Variants in ICA1 observed in about 807,000 individuals in gnomAD.
ICA1 encodes the protein 69 kDa islet cell autoantigen.
A neutral mutation model predicts 71.0 loss-of-function variants in ICA1; 40 were observed. The observed-to-expected ratio is 0.56, with a 90% CI of 0.44 to 0.73. The LOEUF (loss-of-function observed/expected upper bound fraction) is 0.73, where lower values mean the gene tolerates loss of function less well. ICA1 is among the 30% of genes least tolerant of loss of function. ICA1 has a pLI of 0.00. For missense variants in ICA1, 578 were observed against 576.5 expected, an observed-to-expected ratio of 1.00 and a Z score of -0.03; for synonymous variants, 207 against 209.5, an observed-to-expected ratio of 0.99 and a Z score of 0.10.
intron 6 of ICA1, among the ~76,000 whole-genome samples, chr7:8,206,445 C>T (rs1039456914): frequency 5.9e-5 from 9 of 152,148 alleles, no homozygotes; most frequent in Non-Finnish European, 1.2e-4. Context: ...TAAAAACAAA[C>T]CATTTAAAAA....
In ICA1 at chr7:8,223,339, T is replaced by C. The variant is rs1439982240; in HGVS notation, c.257-1941A>G. 6.5e-6 allele frequency: 1 copy of C among 152,930 alleles called. No homozygotes were observed. Among genetic ancestry groups the C allele is most frequent in the East Asian group, 1.9e-4 (1 of 5,202 alleles). The allele number at this position is 152,930 out of a possible 1,614,324, so 9.5% of individuals were successfully genotyped here. A position where few individuals can be genotyped will look rare whatever the true frequency, so the allele number is the denominator to read the frequency against. On this transcript the variant is annotated intron_variant, in intron 4 of 13. Coordinates refer to ENST00000402384, the MANE Select transcript of ICA1 (RefSeq NM_001136020.3). This position sits in a 1 kb window ranked among gnomAD's most constrained non-coding sequence, Gnocchi z 4.1. ...TTGTGGTACCTGAATAATTACATGG[T>C]TGACAAAATGTACTCTTTCCTAAAT... is the stretch of plus-strand genomic sequence containing the variant.
At chr7:8,211,921 T>A (rs1166764999) in intron 6 of ICA1, among the ~76,000 whole-genome samples, 1 of 152,182 alleles carries the variant, frequency 6.6e-6, no homozygotes, top group Non-Finnish European at 1.5e-5. Flanking sequence ...ATAGGCATGG[T>A]CATGTTCCAA....
intron 13 of ICA1, 57 bp downstream of exon 13, chr7:8,127,816 T>C: frequency 6.6e-7 from 1 of 1,510,204 alleles, no homozygotes. Context: ...GCTTTTGGAT[T>C]GAAAACAAAA....
At position 8,141,784 on chromosome 7, in the gene ICA1, C is replaced by T; in HGVS notation, c.936G>A (p.Lys312=). 1 of 1,570,398 alleles carries T rather than the reference C, an allele frequency of 6.4e-7. No individual in the cohort carries two copies. Among genetic ancestry groups the T allele is most frequent in the Non-Finnish European group, 8.7e-7 (1 of 1,147,546 alleles). ...ACTTACTCTTAAAACTAGAGGATTC[C>T]TTGCGCTGGTTTTCTTCCTCTAATG... The part of the protein sequence containing the change: ...LISLEEENQR[K]ESSSFKTEDG... The change falls in exon 10 of 14, where the codon AAG becomes AAA. Residue 312 remains lysine (K), a synonymous_variant. Transcript: ENST00000402384.
In ICA1 at chr7:8,135,471, G is replaced by C. The variant is rs565910805; in HGVS notation, c.1060+3369C>G. On this transcript the variant is annotated intron_variant, in intron 12 of 13. Coordinates refer to ENST00000402384, the MANE Select transcript of ICA1 (RefSeq NM_001136020.3). Reference sequence around the variant, plus strand: ...CCCAGGATGCTGAGGAAGACAGAGAGGAGGGAAAGTTCATGAGAAAAGAGA... The same window carrying C: ...CCCAGGATGCTGAGGAAGACAGAGACGAGGGAAAGTTCATGAGAAAAGAGA... Among the ~76,000 whole-genome samples the C allele has an allele frequency of 3.3e-5, 5 of 152,320 alleles. No homozygotes were observed. The South Asian group carries it at 1.0e-3, about 32-fold the overall frequency.
At chr7:8,120,890 G>A (rs1439651266) in intron 13 of ICA1, among the ~76,000 whole-genome samples, 1 of 152,222 alleles carries the variant, frequency 6.6e-6, no homozygotes, top group Non-Finnish European at 1.5e-5. Flanking sequence ...GCCGAAGCCC[G>A]GGGCTGGGAG....
chr7:8,195,538 A>G (rs1342639233), intron 6 of ICA1, among the ~76,000 whole-genome samples: 2 of 151,632 alleles, frequency 1.3e-5, no homozygotes, highest in African/African-American at 2.4e-5. Flanking sequence ...GTGAAACTCT[A>G]TCTCAAAACA....
rs1293164715 is a variant in ICA1, at chr7:8,235,896, G to C, written c.17+14C>G. On this transcript the variant is annotated intron_variant, in intron 2 of 13. Transcript: ENST00000402384. ...TCTACTTTCCCAATTCAGAAAAGAT[G>C]ACAAATTACTTACCATTTGTGTCCT... The C allele has an allele frequency of 6.2e-7, 1 of 1,612,138 alleles. No individual in the cohort carries two copies. The highest frequency in any genetic ancestry group is 1.1e-5 in the South Asian group (1 of 90,916).
At chr7:8,176,859 C>T (rs1382735916) in intron 6 of ICA1, among the ~76,000 whole-genome samples, 1 of 152,172 alleles carries the variant, frequency 6.6e-6, no homozygotes, top group Non-Finnish European at 1.5e-5. Flanking sequence ...TTCTATTTCA[C>T]AAAGAAGGAA....
intron 1 of ICA1, among the ~76,000 whole-genome samples, chr7:8,248,037 G>A (rs1420463490): frequency 5.9e-5 from 9 of 152,144 alleles, no homozygotes; most frequent in African/African-American, 1.4e-4. Context: ...GTGCCTCCTC[G>A]TCAGTTTATT....
intron 6 of ICA1, among the ~76,000 whole-genome samples, chr7:8,200,321 C>A (rs1789134995): frequency 1.8e-5 from 2 of 113,164 alleles, no homozygotes; most frequent in South Asian, 6.6e-4. Flanking sequence ...TCTTTGAGAA[C>A]CTTTAGCACA....
At chr7:8,116,088 C>T (rs1343168525) in intron 13 of ICA1, among the ~76,000 whole-genome samples, 2 of 152,174 alleles carry the variant, frequency 1.3e-5, no homozygotes, top group African/African-American at 4.8e-5. Context: ...AATGTAATTT[C>T]TGGGATTATG....
chr7:8,162,507 A>C (rs1804242240), intron 6 of ICA1, among the ~76,000 whole-genome samples: 1 of 152,218 alleles, frequency 6.6e-6, no homozygotes, highest in Admixed American at 6.5e-5. Flanking sequence ...TAAAACACCA[A>C]GGACATAGCC....
intron 4 of ICA1, among the ~76,000 whole-genome samples, chr7:8,224,248 T>A (rs1170506493): frequency 1.3e-5 from 2 of 152,116 alleles, no homozygotes; most frequent in East Asian, 3.9e-4. Context: ...TGAATGACGA[T>A]AGCCTTGGGA....
chr7:8,194,954 A>G (rs1786942401), intron 6 of ICA1, among the ~76,000 whole-genome samples: 1 of 152,244 alleles, frequency 6.6e-6, no homozygotes, highest in African/African-American at 2.4e-5. Context: ...TGTGTGGAAG[A>G]AAATATTTAC....
At chr7:8,210,238 A>G (rs1194096467) in intron 6 of ICA1, among the ~76,000 whole-genome samples, 1 of 152,212 alleles carries the variant, frequency 6.6e-6, no homozygotes, top group East Asian at 1.9e-4. Context: ...AAGTAGAATT[A>G]TTAGAAACAA....
In ICA1 at chr7:8,235,813, C is replaced by T; in HGVS notation, c.17+97G>A. The T allele has an allele frequency of 2.4e-6, 3 of 1,250,842 alleles. No homozygotes were observed. The Admixed American group carries it at 5.3e-5, about 22-fold the overall frequency. 77.5% of individuals were successfully genotyped at this position (1,250,842 alleles called of 1,614,324 possible). A position where few individuals can be genotyped will look rare whatever the true frequency, so the allele number is the denominator to read the frequency against. On this transcript the variant is annotated intron_variant, in intron 2 of 13. Coordinates refer to ENST00000402384, the MANE Select transcript of ICA1 (RefSeq NM_001136020.3). ...TGAGGGCTAACATGATACTTACTGC[C>T]AATGTATCTCTTGTTTTTCCATTCA...
intron 2 of ICA1, 105 bp from the exon 3 acceptor site, chr7:8,232,860 T>TTTACAACA: frequency 1.0e-6 from 1 of 970,178 alleles, no homozygotes; most frequent in Non-Finnish European, 1.4e-6. Context: ...TGCATTTACA[T>TTTACAACA]TTACAACATT....
chr7:8,199,330 G>A (rs910544212), intron 6 of ICA1, among the ~76,000 whole-genome samples: 5 of 152,112 alleles, frequency 3.3e-5, no homozygotes, highest in African/African-American at 1.2e-4. Context: ...GCTATGATTT[G>A]GAAGCAACCT....
Sources: gnomAD v4.1 joint callset for allele counts (sites outside exome capture counted in the v4.1 genomes callset) on GRCh38, gnomAD v4.1.1 for gene constraint, Gnocchi (gnomAD v3.1) non-coding constraint, MANE v1.5 for transcripts, NCBI Gene and HGNC (gene_info 2026-07-23, HGNC 2026-07-21) for gene names.